The following SVIL variants were observed in gnomAD, a reference collection of about 807,000 sequenced individuals.
The protein encoded by SVIL is archvillin.
In SVIL, 101 loss-of-function variants were observed where a neutral mutation model predicts 240.4. The ratio of observed to expected loss-of-function variants is 0.42; its 90% CI spans 0.36 to 0.50. The LOEUF is 0.50. Among genes scored for constraint, SVIL ranks in the 20% least tolerant of loss-of-function variants. SVIL has a pLI of 0.01. For synonymous variants in SVIL, 999 were observed against 1,100.0 expected (o/e 0.91, Z 1.82); for missense variants, 2,512 against 2,818.7 (o/e 0.89, Z 2.46).
intron 1 of SVIL, among the ~76,000 whole-genome samples, chr10:29,697,025 GC>G (rs1216210925): frequency 7.3e-6 from 1 of 137,700 alleles, no homozygotes; most frequent in South Asian, 2.4e-4. Context: ...GGGGGGCTCA[GC>G]CCCCCGCCCG....
intron 29 of SVIL, chr10:29,475,305 A>G (rs1350420453): frequency 1.3e-5 from 2 of 151,790 alleles, no homozygotes; most frequent in African/African-American, 4.8e-5. Flanking sequence ...TGCTGGAATT[A>G]TAGGCCAAAT....
chr10:29,561,161 G>A (rs998387841), intron 3 of SVIL, among the ~76,000 whole-genome samples: 2 of 152,138 alleles, frequency 1.3e-5, no homozygotes, highest in African/African-American at 4.8e-5. Flanking sequence ...AAGATTTAGG[G>A]ACCATGTTAA....
intron 1 of SVIL, among the ~76,000 whole-genome samples, chr10:29,719,301 G>T (rs993130957): frequency 6.6e-6 from 1 of 152,120 alleles, no homozygotes; most frequent in African/African-American, 2.4e-5. Flanking sequence ...GGAACACTCG[G>T]TATAAACGGG....
chr10:29,496,505 C>T (rs1948454600), intron 18 of SVIL: 1 of 432,832 alleles, frequency 2.3e-6, no homozygotes, highest in Non-Finnish European at 4.6e-6. Context: ...TCCAAAGCAA[C>T]CGGAGAAATC....
At position 29,493,251 on chromosome 10, in the gene SVIL, C is replaced by T; in HGVS notation, c.3982G>A (p.Glu1328Lys). ...GGATCGAAAATGACATCGAAGTCCT[C>T]ATCCATCTCCACAGGACTTCTTGGC... Reference protein sequence around the residue: ...NMPRSPVEMDEDFDVIFDPYA... With the variant: ...NMPRSPVEMDKDFDVIFDPYA... Residue 1328 changes from glutamate (E) to lysine (K), a missense_variant, in exon 21 of 38, where the codon GAG becomes AAG. By Grantham distance (56) the Glu-to-Lys change is moderately conservative. Around this residue, in one of 3 missense-constraint regions of SVIL, gnomAD observed 272 missense variants for 406.8 expected, o/e 0.67. Transcript: ENST00000355867. 1 of 1,614,138 alleles carries T rather than the reference C, an allele frequency of 6.2e-7. No homozygotes were observed. The highest frequency in any genetic ancestry group is 1.1e-5 in the South Asian group (1 of 91,064).
chr10:29,724,797 G>A (rs1464396858), intron 1 of SVIL, among the ~76,000 whole-genome samples: 4 of 152,052 alleles, frequency 2.6e-5, no homozygotes, highest in African/African-American at 9.7e-5. Context: ...TGAGGTGGGT[G>A]GATCGCTTGA....
At chr10:29,583,315 T>G (rs1023969400) in intron 1 of SVIL, among the ~76,000 whole-genome samples, 4 of 152,166 alleles carry the variant, frequency 2.6e-5, no homozygotes, top group African/African-American at 9.7e-5. Flanking sequence ...TTTTATTTTT[T>G]GAGACAGGGT....
chr10:29,664,856 A>T (rs1456243816), intron 2 of SVIL, among the ~76,000 whole-genome samples: 1 of 152,170 alleles, frequency 6.6e-6, no homozygotes, highest in African/African-American at 2.4e-5. Context: ...AACTGTCCTC[A>T]AACCTGAAGA....
intron 1 of SVIL, among the ~76,000 whole-genome samples, chr10:29,623,588 C>T (rs970199353): frequency 3.9e-5 from 6 of 152,180 alleles, no homozygotes; most frequent in East Asian, 1.9e-4. Context: ...CGGAGGCTCA[C>T]GCCTGTAATC....
chr10:29,701,150 C>T (rs958594442), intron 1 of SVIL, among the ~76,000 whole-genome samples: 2 of 152,166 alleles, frequency 1.3e-5, no homozygotes, highest in Admixed American at 1.3e-4. Context: ...CATACCCCAC[C>T]CACCCCTCAC....
intron 1 of SVIL, among the ~76,000 whole-genome samples, chr10:29,729,552 T>C (rs971506446): frequency 1.3e-5 from 2 of 150,018 alleles, no homozygotes; most frequent in African/African-American, 2.5e-5. Context: ...AAGTTGGCAA[T>C]TGGCCGGGTG....
At chr10:29,643,711 T>C (rs1379319669) in intron 3 of SVIL, among the ~76,000 whole-genome samples, 1 of 152,204 alleles carries the variant, frequency 6.6e-6, no homozygotes, top group Non-Finnish European at 1.5e-5. Flanking sequence ...TCTCGCTTTT[T>C]CTCAAAGCTT....
chr10:29,675,501 A>G (rs1260261901), intron 2 of SVIL, among the ~76,000 whole-genome samples: 1 of 151,982 alleles, frequency 6.6e-6, no homozygotes, highest in Non-Finnish European at 1.5e-5. Context: ...AACAAAACAA[A>G]AAGAACAAGA....
intron 1 of SVIL, among the ~76,000 whole-genome samples, chr10:29,732,284 T>C (rs957258109): frequency 6.6e-6 from 1 of 152,102 alleles, no homozygotes; most frequent in African/African-American, 2.4e-5. Flanking sequence ...ATAACGTTTC[T>C]TTATGTTGCT....
chr10:29,598,785 T>G (rs1812976369), intron 1 of SVIL, among the ~76,000 whole-genome samples: 1 of 152,220 alleles, frequency 6.6e-6, no homozygotes, highest in Admixed American at 6.5e-5. Context: ...CCTGTTAGGT[T>G]TTATTCAAAA....
At chr10:29,621,457 C>T (rs1957637215) in intron 1 of SVIL, among the ~76,000 whole-genome samples, 1 of 152,252 alleles carries the variant, frequency 6.6e-6, no homozygotes, top group African/African-American at 2.4e-5. Context: ...GCTTGGGAAA[C>T]AGGGGCTACC....
rs1044877205 is a variant in SVIL at position 29,533,284 on chromosome 10, T to C, written c.1083A>G (p.Arg361=). ...GTTGGACATAGCCACGGATTGGCTG[T>C]CGTGTAGAGCCTGCTGCCTTGCTGG... ...RVPSKAAGST[R]QPIRGYVQPA... is the part of the protein sequence containing the mutation. The change falls in exon 8 of 38, where the codon CGA becomes CGG. Residue 361 remains arginine, a synonymous_variant. Coordinates refer to ENST00000355867, the MANE Select transcript of SVIL (RefSeq NM_021738.3). 2 of 1,614,130 alleles carry C rather than the reference T, an allele frequency of 1.2e-6. No individual in the cohort carries two copies. Among genetic ancestry groups the C allele is most frequent in the Non-Finnish European group, 8.5e-7 (1 of 1,180,024 alleles).
chr10:29,504,853 A>G (rs1203671722), intron 17 of SVIL, among the ~76,000 whole-genome samples: 1 of 152,198 alleles, frequency 6.6e-6, no homozygotes, highest in African/African-American at 2.4e-5. Flanking sequence ...TTGATACTCA[A>G]ATGAGTTGAA....
chr10:29,463,447 T>C (rs1179576131), intron 35 of SVIL, 45 bp downstream of exon 35: 18 of 1,590,848 alleles, frequency 1.1e-5, no homozygotes, highest in Non-Finnish European at 1.5e-5. Context: ...CCTGAGGGGC[T>C]TCCCCATCTG....
Sources: gnomAD v4.1 joint callset for allele counts (sites outside exome capture counted in the v4.1 genomes callset) on GRCh38, gnomAD v4.1.1 for gene constraint, gnomAD v4.1.1 regional missense constraint, MANE v1.5 for transcripts, NCBI Gene and HGNC (gene_info 2026-07-23, HGNC 2026-07-21) for gene names.